The following PRKAG2 variants were observed in gnomAD, a reference collection of about 807,000 sequenced individuals.
PRKAG2 encodes 5'-AMP-activated protein kinase subunit gamma-2.
In PRKAG2, 26 loss-of-function variants were observed where a neutral mutation model predicts 69.6. That is an observed-to-expected ratio of 0.37 (90% CI 0.27 to 0.52). PRKAG2 has a LOEUF of 0.52. PRKAG2 is among the 20% of genes least tolerant of loss of function. The pLI, the probability that PRKAG2 is intolerant of heterozygous loss-of-function variation, is 0.90. For synonymous variants in PRKAG2, 293 were observed against 285.0 expected (o/e 1.03, Z -0.28); for missense variants, 557 against 740.0 (o/e 0.75, Z 2.87).
chr7:151,662,050 C>A (rs1364218479), intron 4 of PRKAG2, among the ~76,000 whole-genome samples: 1 of 152,116 alleles, frequency 6.6e-6, no homozygotes, highest in Non-Finnish European at 1.5e-5. Context: ...AATGTTCAGC[C>A]CCCCAAATGC....
At chr7:151,812,529 G>A (rs1368657952) in intron 1 of PRKAG2, among the ~76,000 whole-genome samples, 1 of 152,234 alleles carries the variant, frequency 6.6e-6, no homozygotes, top group Admixed American at 6.5e-5. Flanking sequence ...GAAGTGAGGA[G>A]GTCAAGACCA....
intron 1 of PRKAG2, among the ~76,000 whole-genome samples, chr7:151,872,675 G>A (rs779671404): frequency 2.6e-5 from 4 of 152,248 alleles, no homozygotes; most frequent in African/African-American, 4.8e-5. Flanking sequence ...CCCCTCCTGG[G>A]TTGAGGGTTG....
At chr7:151,712,335 G>A (rs997452114) in intron 3 of PRKAG2, among the ~76,000 whole-genome samples, 2 of 152,226 alleles carry the variant, frequency 1.3e-5, no homozygotes, top group African/African-American at 4.8e-5. Context: ...TGTGTGGCCT[G>A]GAGGGAGAAT....
intron 6 of PRKAG2, among the ~76,000 whole-genome samples, chr7:151,577,923 C>CT (rs1423490098): frequency 6.7e-6 from 1 of 150,126 alleles, no homozygotes; most frequent in Non-Finnish European, 1.5e-5. Flanking sequence ...AAAGATTAAA[C>CT]TGATACATTA....
intron 3 of PRKAG2, among the ~76,000 whole-genome samples, chr7:151,681,379 G>A (rs1469815115): frequency 6.6e-6 from 1 of 152,164 alleles, no homozygotes; most frequent in Non-Finnish European, 1.5e-5. Flanking sequence ...GGGAAAACAG[G>A]TGGCACTCTG....
intron 2 of PRKAG2, among the ~76,000 whole-genome samples, chr7:151,784,324 G>A: frequency 6.6e-6 from 1 of 152,210 alleles, no homozygotes; most frequent in South Asian, 2.1e-4. Flanking sequence ...AGCCGGGGGA[G>A]AGGGCCGAGC....
chr7:151,807,279 A>G lies in PRKAG2; in HGVS notation c.115-20738T>C, dbSNP rs1017687339. ...TGGCCAGTCAGCCACCAGCAGACCCATGGGATAGGGGAAGAAAAACAAGCA... is the reference window on the plus strand; with the variant it reads ...TGGCCAGTCAGCCACCAGCAGACCCGTGGGATAGGGGAAGAAAAACAAGCA... On this transcript the variant is annotated intron_variant, in intron 1 of 15. Transcript: ENST00000287878. The surrounding 1 kb of genome is among the most constrained non-coding windows in gnomAD (Gnocchi z 4.4). The G allele has an allele frequency of 3.3e-5, 13 of 395,388 alleles. No homozygotes were observed. The highest frequency in any genetic ancestry group is 5.5e-5 in the Admixed American group (2 of 36,574). The allele number at this position is 395,388 out of a possible 1,614,324, so 24.5% of individuals were successfully genotyped here. A position where few individuals can be genotyped will look rare whatever the true frequency, so the allele number is the denominator to read the frequency against.
At chr7:151,821,962 C>T (rs113611655) in intron 1 of PRKAG2, among the ~76,000 whole-genome samples, 6 of 152,154 alleles carry the variant, frequency 3.9e-5, no homozygotes, top group Non-Finnish European at 7.3e-5. Flanking sequence ...CTGAGTTTTA[C>T]GGAGGCGAAC....
intron 3 of PRKAG2, among the ~76,000 whole-genome samples, chr7:151,721,163 T>C (rs574561597): frequency 1.7e-4 from 26 of 151,818 alleles, no homozygotes; most frequent in Non-Finnish European, 3.2e-4. Context: ...TACCCAGGCA[T>C]GGGAGCCAGA....
chr7:151,875,562 G>GGTGGGT (rs2080369114), intron 1 of PRKAG2, among the ~76,000 whole-genome samples: 1 of 131,344 alleles, frequency 7.6e-6, no homozygotes, highest in Admixed American at 7.5e-5. Flanking sequence ...GGAGCACTCT[G>GGTGGGT]GTGTGTGTGT....
intron 1 of PRKAG2, among the ~76,000 whole-genome samples, chr7:151,864,901 T>C (rs1176201661): frequency 6.6e-6 from 1 of 152,222 alleles, no homozygotes; most frequent in Non-Finnish European, 1.5e-5. Context: ...GCTCCAGCCC[T>C]CTTTTTCAAA....
intron 3 of PRKAG2, among the ~76,000 whole-genome samples, chr7:151,744,055 C>T (rs1429474876): frequency 6.6e-6 from 1 of 152,146 alleles, no homozygotes; most frequent in Non-Finnish European, 1.5e-5. Flanking sequence ...CAGATGGGCT[C>T]GAAGATGGAG....
At chr7:151,785,407 G>T (rs2076953028) in intron 2 of PRKAG2, among the ~76,000 whole-genome samples, 1 of 152,254 alleles carries the variant, frequency 6.6e-6, no homozygotes, top group African/African-American at 2.4e-5. Context: ...TGCTGGCCCA[G>T]AAGCTCAAGG....
intron 1 of PRKAG2, among the ~76,000 whole-genome samples, chr7:151,831,384 A>C (rs1466985624): frequency 6.6e-6 from 1 of 152,254 alleles, no homozygotes; most frequent in Non-Finnish European, 1.5e-5. Flanking sequence ...ATACAATGGA[A>C]TATTATCCAG....
At chr7:151,700,841 A>G (rs898848013) in intron 3 of PRKAG2, among the ~76,000 whole-genome samples, 4 of 152,148 alleles carry the variant, frequency 2.6e-5, no homozygotes, top group Non-Finnish European at 4.4e-5. Context: ...CCGAACCCCA[A>G]ATAATCCTCA....
chr7:151,814,548 C>T lies in PRKAG2; in HGVS notation c.115-28007G>A. 1 of 1,231,650 alleles carries T rather than the reference C, an allele frequency of 8.1e-7. No individual in the cohort carries two copies. The highest frequency in any genetic ancestry group is 1.0e-6 in the Non-Finnish European group (1 of 987,996). 76.3% of individuals were successfully genotyped at this position (1,231,650 alleles called of 1,614,324 possible). On this transcript the variant is annotated intron_variant, in intron 1 of 15. Coordinates refer to ENST00000287878, the MANE Select transcript of PRKAG2 (RefSeq NM_016203.4). This position sits in a 1 kb window ranked among gnomAD's most constrained non-coding sequence, Gnocchi z 4.8. ...CCAGCTCTGACAAATCCTGCTGCCT[C>T]ACTCGAAAGGTCCATCAGAGAAGGG...
intron 1 of PRKAG2, among the ~76,000 whole-genome samples, chr7:151,824,859 CTCTT>C (rs2078871913): frequency 1.3e-5 from 2 of 152,308 alleles, no homozygotes; most frequent in East Asian, 1.9e-4. Flanking sequence ...CCCCTTCCCT[CTCTT>C]TCTTCTGAGT....
At position 151,781,436 on chromosome 7, in the gene PRKAG2, A is replaced by G; in HGVS notation, c.187-5T>C. The G allele has an allele frequency of 3.1e-6, 5 of 1,601,664 alleles. No individual in the cohort carries two copies. Among genetic ancestry groups the G allele is most frequent in the Non-Finnish European group, 4.3e-6 (5 of 1,174,704 alleles). On this transcript the variant is annotated splice_region_variant and splice_polypyrimidine_tract_variant and intron_variant, in intron 2 of 15. Transcript: ENST00000287878. This position sits in a 1 kb window ranked among gnomAD's most constrained non-coding sequence, Gnocchi z 6.1. The stretch of plus-strand genomic sequence containing the variant: ...CGGGCCGAAGGGGCTGTCCACCTGC[A>G]GAAAAACAGACGAATGGATGCAGTC...
intron 1 of PRKAG2, among the ~76,000 whole-genome samples, chr7:151,829,838 G>A (rs1029840681): frequency 4.6e-5 from 7 of 151,828 alleles, no homozygotes; most frequent in Admixed American, 1.3e-4. Context: ...CGGGGTTGAC[G>A]GGGGGAAGCC....
Sources: gnomAD v4.1 joint callset for allele counts (sites outside exome capture counted in the v4.1 genomes callset) on GRCh38, gnomAD v4.1.1 for gene constraint, Gnocchi (gnomAD v3.1) non-coding constraint, MANE v1.5 for transcripts, NCBI Gene and HGNC (gene_info 2026-07-23, HGNC 2026-07-21) for gene names.